HIVEP1: variants seen among roughly 807,000 people sequenced by gnomAD.
The protein encoded by HIVEP1 is zinc finger protein 40.
In HIVEP1, 36 loss-of-function variants were observed where a neutral mutation model predicts 180.0. The ratio of observed to expected loss-of-function variants is 0.20; its 90% confidence interval spans 0.15 to 0.26. HIVEP1 has a LOEUF of 0.26. Among genes scored for constraint, HIVEP1 ranks in the 10% least tolerant of loss-of-function variants. HIVEP1 has a pLI of 1.00. For synonymous variants in HIVEP1, 1,239 were observed against 1,239.0 expected, an observed-to-expected ratio of 1.00 and a Z score of 0.00; for missense variants, 3,143 against 3,268.7, an observed-to-expected ratio of 0.96 and a Z score of 0.94.
At chr6:12,178,640 A>G in the HIVEP1 span, among the ~76,000 whole-genome samples, 1 of 152,192 alleles carries the variant, frequency 6.6e-6, no homozygotes, top group Non-Finnish European at 1.5e-5. Flanking sequence ...TTCAGACACA[A>G]CTGGCAGAGG....
chr6:12,040,888 G>T (rs1769639338), intron 2 of HIVEP1, among the ~76,000 whole-genome samples: 1 of 151,494 alleles, frequency 6.6e-6, no homozygotes, highest in African/African-American at 2.4e-5. Flanking sequence ...TGGTGGGGGG[G>T]ACGTGCCACA....
chr6:12,015,725 C>G, intron 2 of HIVEP1, 57 bp downstream of exon 2: 1 of 1,500,682 alleles, frequency 6.7e-7, no homozygotes, highest in South Asian at 1.2e-5. Flanking sequence ...AACAAAGTAT[C>G]TCTTTGGTGA....
chr6:12,111,900 C>A (rs1774919681), intron 3 of HIVEP1, among the ~76,000 whole-genome samples: 1 of 152,160 alleles, frequency 6.6e-6, no homozygotes, highest in African/African-American at 2.4e-5. Flanking sequence ...TTTATAGGGC[C>A]ATTATTTCAC....
intron 7 of HIVEP1, among the ~76,000 whole-genome samples, chr6:12,160,011 A>G (rs1297697772): frequency 1.3e-5 from 2 of 152,210 alleles, no homozygotes; most frequent in Admixed American, 1.3e-4. Flanking sequence ...AAGGCAGCCT[A>G]TTGCTTGTTG....
the HIVEP1 span, among the ~76,000 whole-genome samples, chr6:12,179,349 A>AT: frequency 0.023 from 3,510 of 152,182 alleles, 130 homozygotes; most frequent in African/African-American, 0.081. Flanking sequence ...ACCTCCTATC[A>AT]TTTTTTGCTC....
the HIVEP1 span, among the ~76,000 whole-genome samples, chr6:12,177,723 G>A: frequency 2.6e-5 from 4 of 152,226 alleles, no homozygotes; most frequent in Admixed American, 6.5e-5. Flanking sequence ...AAACCACAAT[G>A]TGTCTTTCTA....
chr6:12,045,609 T>C (rs1770070845), intron 2 of HIVEP1, among the ~76,000 whole-genome samples: 1 of 152,162 alleles, frequency 6.6e-6, no homozygotes, highest in African/African-American at 2.4e-5. Flanking sequence ...AGTTAATGCT[T>C]GGTAATGAAG....
intron 7 of HIVEP1, among the ~76,000 whole-genome samples, chr6:12,143,941 C>T (rs552905499): frequency 3.4e-4 from 52 of 152,202 alleles, no homozygotes; most frequent in Admixed American, 9.8e-4. Context: ...GAATCAACAA[C>T]GTGAAAATGG....
chr6:12,168,347 GTATATGTA>G (rs1760812255), downstream of HIVEP1, among the ~76,000 whole-genome samples: 1 of 49,240 alleles, frequency 2.0e-5, no homozygotes, highest in African/African-American at 7.2e-5. Flanking sequence ...ATATATACAT[GTATATGTA>G]TATATTATAT....
the HIVEP1 span, among the ~76,000 whole-genome samples, chr6:12,188,644 T>A: frequency 2.0e-5 from 3 of 152,098 alleles, no homozygotes; most frequent in Non-Finnish European, 4.4e-5. Context: ...GAAATAAATA[T>A]AAGAAATATA....
At chr6:12,042,264 G>A (rs1370694164) in intron 2 of HIVEP1, among the ~76,000 whole-genome samples, 1 of 149,452 alleles carries the variant, frequency 6.7e-6, no homozygotes, top group African/African-American at 2.5e-5. Context: ...TGTATTTTCA[G>A]TAGAGACGGG....
intron 2 of HIVEP1, among the ~76,000 whole-genome samples, chr6:12,017,097 C>T (rs1389855630): frequency 6.6e-6 from 1 of 152,198 alleles, no homozygotes; most frequent in African/African-American, 2.4e-5. Flanking sequence ...AAACATTTTT[C>T]ATATTTAAAA....
chr6:12,009,117 C>T (rs1364664823), upstream of HIVEP1, among the ~76,000 whole-genome samples: 1 of 146,120 alleles, frequency 6.8e-6, no homozygotes. Context: ...CTCCGCGTGG[C>T]GGTGGCGGCG....
intron 3 of HIVEP1, among the ~76,000 whole-genome samples, chr6:12,089,511 C>T (rs1474416095): frequency 6.6e-6 from 1 of 152,014 alleles, no homozygotes; most frequent in Non-Finnish European, 1.5e-5. Context: ...GTTTGTGAGA[C>T]TGTCCTGTAG....
At chr6:12,022,576 G>C (rs1768310688) in intron 2 of HIVEP1, among the ~76,000 whole-genome samples, 1 of 152,180 alleles carries the variant, frequency 6.6e-6, no homozygotes, top group Non-Finnish European at 1.5e-5. Flanking sequence ...TGGTTTCCTT[G>C]TGTGTAAAAT....
At chr6:12,183,984 GATA>G in the HIVEP1 span, among the ~76,000 whole-genome samples, 7 of 122,048 alleles carry the variant, frequency 5.7e-5, no homozygotes, top group East Asian at 1.5e-3. Context: ...AAGATAGATA[GATA>G]GATAGATAGA....
chr6:12,012,133 C>T (rs1163666752), upstream of HIVEP1: 2 of 144,202 alleles, frequency 1.4e-5, no homozygotes, highest in Admixed American at 6.9e-5. Flanking sequence ...CGGCGCGCGC[C>T]CCCCAGCCCG....
intron 3 of HIVEP1, among the ~76,000 whole-genome samples, chr6:12,112,207 T>C (rs1389489835): frequency 6.6e-6 from 1 of 152,002 alleles, no homozygotes; most frequent in Non-Finnish European, 1.5e-5. Flanking sequence ...TTTTTTTCTT[T>C]CAGTAGTGTA....
chr6:12,167,712 C>T (rs139193745), downstream of HIVEP1, among the ~76,000 whole-genome samples: 7,551 of 56,448 alleles, frequency 0.13, 378 homozygotes, highest in Middle Eastern at 0.37. Flanking sequence ...TACATATATG[C>T]ATAATATATA....
Sources: gnomAD v4.1 joint callset for allele counts (sites outside exome capture counted in the v4.1 genomes callset) on GRCh38, gnomAD v4.1.1 for gene constraint, MANE v1.5 for transcripts, NCBI Gene and HGNC (gene_info 2026-07-23, HGNC 2026-07-21) for gene names.